The following CAST variants were observed in gnomAD, a reference collection of about 807,000 sequenced individuals.
CAST encodes calpastatin, also known as MIR583 host.
CAST carries 76 observed loss-of-function variants against 119.6 expected under a neutral mutation model. That is an observed-to-expected ratio of 0.64 (90% CI 0.53 to 0.77). The LOEUF (loss-of-function observed/expected upper bound fraction) is 0.77. Ranked by LOEUF, CAST falls within the 30% of genes least tolerant of loss-of-function variation. CAST has a pLI of 0.00. For synonymous variants in CAST, 319 were observed against 331.6 expected, an observed-to-expected ratio of 0.96 and a Z score of 0.41; for missense variants, 953 against 946.5, an observed-to-expected ratio of 1.01 and a Z score of -0.09.
the CAST span, among the ~76,000 whole-genome samples, chr5:96,069,375 G>C: frequency 6.4e-3 from 875 of 137,432 alleles, 13 homozygotes; most frequent in East Asian, 0.071. Flanking sequence ...GTGTGTGTGT[G>C]TGTGTGTCTA....
intron 1 of CAST, among the ~76,000 whole-genome samples, chr5:96,629,228 G>C (rs1418058476): frequency 6.6e-6 from 1 of 152,206 alleles, no homozygotes; most frequent in African/African-American, 2.4e-5. Flanking sequence ...TCTCTATGGT[G>C]AGTGTTCGCT....
chr5:95,979,696 G>C, the CAST span, among the ~76,000 whole-genome samples: 1 of 152,154 alleles, frequency 6.6e-6, no homozygotes, highest in Non-Finnish European at 1.5e-5. Flanking sequence ...AATTTAAGAA[G>C]AGCTATACAT....
At chr5:96,253,787 T>A in the CAST span, among the ~76,000 whole-genome samples, 1 of 152,140 alleles carries the variant, frequency 6.6e-6, no homozygotes, top group Non-Finnish European at 1.5e-5. Context: ...GTTGAATGTA[T>A]TTGAAATGTA....
chr5:96,700,625 G>A (rs191580258), intron 3 of CAST, among the ~76,000 whole-genome samples: 4 of 152,336 alleles, frequency 2.6e-5, no homozygotes, highest in Admixed American at 2.0e-4. Context: ...AGTGCAGAAT[G>A]TGGGTAGTTT....
the CAST span, among the ~76,000 whole-genome samples, chr5:96,322,678 A>G: frequency 6.6e-6 from 1 of 152,180 alleles, no homozygotes; most frequent in African/African-American, 2.4e-5. Flanking sequence ...ACAGGGGCAG[A>G]AACTTTGAAA....
At chr5:96,657,955 A>G (rs1748186607), upstream of CAST, among the ~76,000 whole-genome samples, 1 of 152,072 alleles carries the variant, frequency 6.6e-6, no homozygotes, top group Non-Finnish European at 1.5e-5. Context: ...AAATTAGATG[A>G]CCGTGGTGGT....
At position 96,606,425 on chromosome 5, in the gene CAST, CAT is replaced by C. The variant is rs1300198184; in HGVS notation, c.61-69112_61-69111del. 5.3e-5 allele frequency among the ~76,000 whole-genome samples: 8 copies of C among 152,262 alleles called. 1 individual carries two copies. The East Asian group carries it at 1.3e-3, about 26-fold the overall frequency. On this transcript the variant is annotated intron_variant, in intron 1 of 11. Transcript: ENST00000505143. ...GATCCTGAGGATCAGGAATAAAATG[CAT>C]AGTGTACTCAGCCCAGGGCTGGATG...
At chr5:96,351,812 T>A in the CAST span, among the ~76,000 whole-genome samples, 1 of 152,132 alleles carries the variant, frequency 6.6e-6, no homozygotes, top group Non-Finnish European at 1.5e-5. Context: ...TATTTTGTTT[T>A]AAGTGCTTAG....
intron 1 of CAST, among the ~76,000 whole-genome samples, chr5:96,618,477 G>A (rs541288625): frequency 1.3e-5 from 2 of 152,248 alleles, no homozygotes; most frequent in Non-Finnish European, 2.9e-5. Context: ...GCTGAGGCTG[G>A]AGCCAGCACC....
the CAST span, among the ~76,000 whole-genome samples, chr5:96,012,602 CAT>C: frequency 6.6e-6 from 1 of 152,142 alleles, no homozygotes; most frequent in Admixed American, 6.5e-5. Context: ...ATGTGACATG[CAT>C]AGAGTGTTCA....
At chr5:96,180,872 T>TTTCAA in the CAST span, among the ~76,000 whole-genome samples, 1 of 152,240 alleles carries the variant, frequency 6.6e-6, no homozygotes, top group Non-Finnish European at 1.5e-5. Flanking sequence ...CCTGATCTGC[T>TTTCAA]GGAAGGCTCA....
the CAST span, among the ~76,000 whole-genome samples, chr5:96,350,281 A>G: frequency 0.011 from 1,658 of 152,246 alleles, 35 homozygotes; most frequent in African/African-American, 0.039. Flanking sequence ...TGAGTCTTTG[A>G]TCAGCCTTTC....
At chr5:96,297,966 G>C in the CAST span, among the ~76,000 whole-genome samples, 2 of 152,150 alleles carry the variant, frequency 1.3e-5, no homozygotes, top group Admixed American at 6.5e-5. Flanking sequence ...TCAGAGAATA[G>C]AGAAATGTAG....
the CAST span, among the ~76,000 whole-genome samples, chr5:96,385,139 C>T: frequency 2.6e-5 from 4 of 152,164 alleles, no homozygotes; most frequent in East Asian, 1.9e-4. Flanking sequence ...TGGGGATGAG[C>T]CACACATGAG....
chr5:96,073,964 C>G, the CAST span, among the ~76,000 whole-genome samples: 1 of 152,220 alleles, frequency 6.6e-6, no homozygotes, highest in African/African-American at 2.4e-5. Context: ...CCCCTGCCCC[C>G]ATTCTATGGT....
At chr5:96,743,396 A>G (rs993924692) in intron 16 of CAST, 1 of 427,098 alleles carries the variant, frequency 2.3e-6, no homozygotes, top group Non-Finnish European at 4.2e-6. Flanking sequence ...AGAGGAAGGA[A>G]AGGAGAGAGT....
chr5:96,552,474 C>A (rs763114103), intron 1 of CAST, among the ~76,000 whole-genome samples: 6 of 152,060 alleles, frequency 3.9e-5, no homozygotes, highest in Non-Finnish European at 7.4e-5. Context: ...CAGGAGAGAT[C>A]TAAAATTGAT....
chr5:96,193,796 A>G, the CAST span, among the ~76,000 whole-genome samples: 1 of 152,208 alleles, frequency 6.6e-6, no homozygotes, highest in Non-Finnish European at 1.5e-5. Context: ...TGTAAAAGTG[A>G]AAGTGATCTT....
At chr5:96,260,941 G>A in the CAST span, among the ~76,000 whole-genome samples, 14 of 152,272 alleles carry the variant, frequency 9.2e-5, no homozygotes, top group South Asian at 8.3e-4. Context: ...TGACAACCTC[G>A]GATGGCTTTA....
Sources: gnomAD v4.1 joint callset for allele counts (sites outside exome capture counted in the v4.1 genomes callset) on GRCh38, gnomAD v4.1.1 for gene constraint, MANE v1.5 for transcripts, NCBI Gene and HGNC (gene_info 2026-07-23, HGNC 2026-07-21) for gene names.